PHACTR1: variants seen among roughly 807,000 people sequenced by gnomAD.
PHACTR1 encodes phosphatase and actin regulator 1.
PHACTR1 carries 16 observed loss-of-function variants against 69.2 expected under a neutral mutation model. The ratio of observed to expected loss-of-function variants is 0.23; its 90% CI spans 0.16 to 0.35. The LOEUF is 0.35. Ranked by LOEUF, PHACTR1 falls within the 10% of genes least tolerant of loss-of-function variation. The pLI is 1.00. For missense variants in PHACTR1, 510 were observed against 734.7 expected, an observed-to-expected ratio of 0.69 and a Z score of 3.54; for synonymous variants, 312 against 284.5, an observed-to-expected ratio of 1.10 and a Z score of -0.97.
In PHACTR1 at chr6:13,129,130, GCA is replaced by G. The variant is rs1001263701; in HGVS notation, c.416-31072_416-31071del. Among the ~76,000 whole-genome samples, 60 of 152,152 alleles carry G rather than the reference GCA, an allele frequency of 3.9e-4. 1 individual carries two copies. Among genetic ancestry groups the G allele is most frequent in the African/African-American group, 1.3e-3 (55 of 41,496 alleles). Reference sequence around the variant, plus strand: ...GAGAGAATTTGCCACTACTAAGCCAGCACTACAAGACATGCTAAAAAGAGTTC... The same window carrying G: ...GAGAGAATTTGCCACTACTAAGCCAGCTACAAGACATGCTAAAAAGAGTTC... On this transcript the variant is annotated intron_variant, in intron 5 of 14. Transcript: ENST00000332995.
At chr6:13,095,735 A>T (rs968003585) in intron 5 of PHACTR1, among the ~76,000 whole-genome samples, 1 of 135,116 alleles carries the variant, frequency 7.4e-6, no homozygotes, top group Non-Finnish European at 1.6e-5. Flanking sequence ...TTTAAAGTGA[A>T]TTATTGTGAA....
intron 4 of PHACTR1, among the ~76,000 whole-genome samples, chr6:12,944,900 A>G (rs1251857681): frequency 6.6e-6 from 1 of 151,342 alleles, no homozygotes; most frequent in Non-Finnish European, 1.5e-5. Flanking sequence ...CTCCTGCTTC[A>G]GCCTCCCGAG....
intron 4 of PHACTR1, among the ~76,000 whole-genome samples, chr6:12,943,308 A>G (rs1361166821): frequency 1.3e-5 from 2 of 152,236 alleles, no homozygotes; most frequent in Non-Finnish European, 2.9e-5. Context: ...GAATAGGCAA[A>G]TTCACAGAGA....
intron 7 of PHACTR1, among the ~76,000 whole-genome samples, chr6:13,194,114 A>G (rs188228754): frequency 3.2e-4 from 49 of 152,314 alleles, no homozygotes; most frequent in Non-Finnish European, 6.8e-4. Flanking sequence ...CTTTGAGAGC[A>G]GTTTCCTGGG....
chr6:13,259,534 T>G (rs565632496), intron 10 of PHACTR1, among the ~76,000 whole-genome samples: 1 of 152,356 alleles, frequency 6.6e-6, no homozygotes, highest in Admixed American at 6.5e-5. Flanking sequence ...GTAAGGGATT[T>G]TTTTCAAGTT....
At chr6:13,285,719 TTTGG>T (rs1355064702) in intron 13 of PHACTR1, among the ~76,000 whole-genome samples, 3 of 152,166 alleles carry the variant, frequency 2.0e-5, no homozygotes, top group Non-Finnish European at 4.4e-5. Context: ...GTCCCCCTAA[TTTGG>T]TTGGAGAATT....
chr6:12,941,342 T>C (rs1790034250), intron 4 of PHACTR1, among the ~76,000 whole-genome samples: 1 of 152,180 alleles, frequency 6.6e-6, no homozygotes, highest in African/African-American at 2.4e-5. Flanking sequence ...CCACTGCAGT[T>C]GTGGCACTCT....
In PHACTR1 at chr6:13,129,855, A is replaced by AT. The variant is rs35786842; in HGVS notation, c.416-30341dup. On this transcript the variant is annotated intron_variant, in intron 5 of 14. Transcript: ENST00000332995. ...TCTACCCAACAACTGTAGAATATAC[A>AT]TTTTTTTTAATACATGGAGCATTCT... Among the ~76,000 whole-genome samples, 666 of 151,926 alleles carry AT rather than the reference A, an allele frequency of 4.4e-3. 9 individuals are homozygous for AT. The highest frequency in any genetic ancestry group is 3.9e-3 in the Non-Finnish European group (266 of 67,856).
At chr6:13,120,698 C>G (rs1818577573) in intron 5 of PHACTR1, among the ~76,000 whole-genome samples, 1 of 152,196 alleles carries the variant, frequency 6.6e-6, no homozygotes, top group Non-Finnish European at 1.5e-5. Flanking sequence ...AGAGGGCATG[C>G]TGCCCTTCCT....
At chr6:12,745,596 T>C (rs1452672419) in intron 3 of PHACTR1, among the ~76,000 whole-genome samples, 1 of 152,220 alleles carries the variant, frequency 6.6e-6, no homozygotes, top group Non-Finnish European at 1.5e-5. Flanking sequence ...TGCAGAGTTA[T>C]ATAAAATAGA....
chr6:13,105,468 T>C (rs957301116), intron 5 of PHACTR1, among the ~76,000 whole-genome samples: 1 of 152,114 alleles, frequency 6.6e-6, no homozygotes, highest in Non-Finnish European at 1.5e-5. Context: ...AAAAGGTTTT[T>C]TCCCCCCTTT....
chr6:13,201,450 G>A (rs1350242086), intron 7 of PHACTR1, among the ~76,000 whole-genome samples: 1 of 152,204 alleles, frequency 6.6e-6, no homozygotes, highest in Non-Finnish European at 1.5e-5. Context: ...ACTCATAGTA[G>A]AGTCCAGACA....
chr6:13,232,247 G>T (rs925752499), intron 10 of PHACTR1, among the ~76,000 whole-genome samples: 1 of 152,180 alleles, frequency 6.6e-6, no homozygotes, highest in Non-Finnish European at 1.5e-5. Flanking sequence ...GTAGACATAG[G>T]CATCATCCAA....
intron 3 of PHACTR1, among the ~76,000 whole-genome samples, chr6:12,728,699 T>C (rs1763111313): frequency 6.6e-6 from 1 of 152,222 alleles, no homozygotes; most frequent in African/African-American, 2.4e-5. Flanking sequence ...GTATGATATA[T>C]AATTTTCAGG....
chr6:13,056,775 A>G (rs922168893), intron 5 of PHACTR1, among the ~76,000 whole-genome samples: 2 of 152,212 alleles, frequency 1.3e-5, no homozygotes, highest in South Asian at 2.1e-4. Flanking sequence ...GATTCTGGCT[A>G]AGCCAATCTA....
chr6:12,994,860 T>G (rs1285569738), intron 4 of PHACTR1, among the ~76,000 whole-genome samples: 1 of 152,120 alleles, frequency 6.6e-6, no homozygotes, highest in Non-Finnish European at 1.5e-5. Context: ...CTATTTAAAT[T>G]TTTAACTACT....
chr6:12,746,737 TAAGA>T (rs1408400068), intron 3 of PHACTR1, among the ~76,000 whole-genome samples: 1 of 152,156 alleles, frequency 6.6e-6, no homozygotes, highest in Non-Finnish European at 1.5e-5. Context: ...GTTAAATGAA[TAAGA>T]AACAGGAATT....
chr6:12,995,437 C>A (rs1405734277), intron 4 of PHACTR1, among the ~76,000 whole-genome samples: 1 of 151,704 alleles, frequency 6.6e-6, no homozygotes, highest in African/African-American at 2.4e-5. Flanking sequence ...ACATGATGCA[C>A]CAATGAAACA....
intron 4 of PHACTR1, among the ~76,000 whole-genome samples, chr6:12,956,707 C>A (rs1791940820): frequency 6.6e-6 from 1 of 152,108 alleles, no homozygotes. Context: ...ACCCCTTTGG[C>A]ATTTCACGGA....
Sources: allele counts gnomAD v4.1 joint callset (sites outside exome capture counted in the v4.1 genomes callset), GRCh38; gene constraint gnomAD v4.1.1; transcripts MANE v1.5; gene names NCBI Gene and HGNC (gene_info 2026-07-23, HGNC 2026-07-21).